The following PARD3B variants were observed in gnomAD, a reference collection of about 807,000 sequenced individuals.
PARD3B encodes the protein partitioning defective 3 homolog B.
Under a neutral mutation model 130.2 loss-of-function variants are expected in PARD3B, and 103 were observed. That is an observed-to-expected ratio of 0.79 (90% CI 0.67 to 0.93). The LOEUF (loss-of-function observed/expected upper bound fraction) is 0.93, where lower values mean the gene tolerates loss of function less well. PARD3B is among the 40% of genes least tolerant of loss of function. PARD3B has a pLI of 0.00. For synonymous variants in PARD3B, 583 were observed against 553.2 expected (o/e 1.05, Z -0.76); for missense variants, 1,609 against 1,499.2 (o/e 1.07, Z -1.21).
chr2:204,597,466 A>C (rs571736961), intron 1 of PARD3B, among the ~76,000 whole-genome samples: 17 of 152,214 alleles, frequency 1.1e-4, no homozygotes, highest in African/African-American at 3.9e-4. Flanking sequence ...TTAAGTGTCA[A>C]TGTAGCCTAG....
intron 4 of PARD3B, 82 bp from the exon 5 acceptor site, chr2:205,104,344 C>G: frequency 2.0e-6 from 2 of 1,012,660 alleles, no homozygotes; most frequent in East Asian, 4.8e-5. Flanking sequence ...AAGCGGTTTA[C>G]TCTCCCATAT....
At chr2:205,392,884 C>T (rs2045905462) in intron 18 of PARD3B, among the ~76,000 whole-genome samples, 1 of 152,112 alleles carries the variant, frequency 6.6e-6, no homozygotes, top group South Asian at 2.1e-4. Flanking sequence ...GATTGATGTG[C>T]AACAAACACA....
At position 205,054,427 on chromosome 2, in the gene PARD3B, TATATA is replaced by T. The variant is rs1285071657; in HGVS notation, c.504+6738_504+6742del. ...TTTTATATATATATATATATATATA[TATATA>T]TATATTTTTTTTTTTTTTTTTTTTT... On this transcript the variant is annotated intron_variant, in intron 4 of 22. Coordinates refer to ENST00000406610, the MANE Select transcript of PARD3B (RefSeq NM_001302769.2). Among the ~76,000 whole-genome samples the T allele has an allele frequency of 6.7e-3, 166 of 24,726 alleles. 1 individual carries two copies. The highest frequency in any genetic ancestry group is 0.011 in the Non-Finnish European group (127 of 11,800). 16.2% of individuals were successfully genotyped at this position (24,726 alleles called of 152,430 possible). A position where few individuals can be genotyped will look rare whatever the true frequency, so the allele number is the denominator to read the frequency against.
rs1169412361 is a variant in PARD3B at position 205,421,695 on chromosome 2, T to C, written c.2742-18675T>C. 1.3e-5 allele frequency among the ~76,000 whole-genome samples: 2 copies of C among 152,170 alleles called. No homozygotes were observed. Among genetic ancestry groups the C allele is most frequent in the Non-Finnish European group, 2.9e-5 (2 of 68,016 alleles). On this transcript the variant is annotated intron_variant, in intron 19 of 22. Transcript: ENST00000406610. The surrounding 1 kb of genome is among the most constrained non-coding windows in gnomAD (Gnocchi z 5.1). The stretch of plus-strand genomic sequence containing the variant: ...ACATACTTGGTATCATAAAACAACA[T>C]AAATTTATTCTCTTAACGTTTTGGA...
intron 3 of PARD3B, among the ~76,000 whole-genome samples, chr2:204,990,391 T>C (rs1221175687): frequency 6.6e-6 from 1 of 152,172 alleles, no homozygotes; most frequent in African/African-American, 2.4e-5. Flanking sequence ...TGTTTCTTTG[T>C]GTTGGGAACA....
chr2:205,489,442 C>T (rs547530619), intron 20 of PARD3B, among the ~76,000 whole-genome samples: 1 of 150,742 alleles, frequency 6.6e-6, no homozygotes, highest in South Asian at 2.1e-4. Flanking sequence ...ACACCATGTA[C>T]TCCAGCCTGG....
intron 2 of PARD3B, among the ~76,000 whole-genome samples, chr2:204,856,292 A>G (rs957807748): frequency 1.3e-5 from 2 of 152,092 alleles, no homozygotes; most frequent in East Asian, 1.9e-4. Context: ...TTCTTTGATG[A>G]TTAGAGATGT....
intron 20 of PARD3B, among the ~76,000 whole-genome samples, chr2:205,484,658 A>T (rs1447075316): frequency 6.6e-6 from 1 of 152,204 alleles, no homozygotes; most frequent in African/African-American, 2.4e-5. Context: ...GAAGCAAGGA[A>T]TCAGAAAGCA....
intron 2 of PARD3B, among the ~76,000 whole-genome samples, chr2:204,741,013 T>A (rs1201370056): frequency 2.6e-5 from 4 of 152,266 alleles, no homozygotes; most frequent in South Asian, 4.1e-4. Context: ...ATATTACCTA[T>A]ATATTATTCA....
At chr2:205,056,915 AT>A (rs1644779863) in intron 4 of PARD3B, among the ~76,000 whole-genome samples, 1 of 130,392 alleles carries the variant, frequency 7.7e-6, no homozygotes, top group Non-Finnish European at 1.6e-5. Flanking sequence ...ACACACACAC[AT>A]ATATATATAT....
At position 204,751,503 on chromosome 2, in the gene PARD3B, G is replaced by A. The variant is rs115091676; in HGVS notation, c.222+65221G>A. Reference sequence around the variant, plus strand: ...ATATTAGTTCTGCCTATGGGCATGAGGTGGTCTCCAAACTTCCCTCCAGAT... The same window carrying A: ...ATATTAGTTCTGCCTATGGGCATGAAGTGGTCTCCAAACTTCCCTCCAGAT... On this transcript the variant is annotated intron_variant, in intron 2 of 22. Transcript: ENST00000406610. Among the ~76,000 whole-genome samples the A allele has an allele frequency of 8.5e-3, 1,287 of 152,250 alleles. 19 individuals are homozygous for A. Among genetic ancestry groups the A allele is most frequent in the African/African-American group, 0.029 (1,224 of 41,524 alleles).
chr2:205,505,983 A>C (rs961668601), intron 21 of PARD3B, among the ~76,000 whole-genome samples: 2 of 152,202 alleles, frequency 1.3e-5, no homozygotes, highest in Non-Finnish European at 2.9e-5. Context: ...TATGGAAAAA[A>C]AAGTGGGAGT....
At chr2:205,255,837 C>T (rs2040059139) in intron 16 of PARD3B, among the ~76,000 whole-genome samples, 1 of 152,048 alleles carries the variant, frequency 6.6e-6, no homozygotes, top group African/African-American at 2.4e-5. Context: ...CTTTCCAAAC[C>T]CTGTGCTCTT....
In PARD3B at chr2:205,211,975, T is replaced by C. The variant is rs1279953147; in HGVS notation, c.2140+18655T>C. Among the ~76,000 whole-genome samples, 3 of 152,124 alleles carry C rather than the reference T, an allele frequency of 2.0e-5. No homozygotes were observed. In the East Asian group the frequency reaches 5.8e-4, roughly 29 times the overall value. On this transcript the variant is annotated intron_variant, in intron 15 of 22. Transcript: ENST00000406610. ...TTTCAAAATTTGGAATAAATTATCA[T>C]AGCACCCAAATTGAAGGAAAAATGA...
chr2:205,172,128 A>T, intron 11 of PARD3B, 83 bp from the exon 12 acceptor site: 1 of 1,375,962 alleles, frequency 7.3e-7, no homozygotes, highest in Non-Finnish European at 9.9e-7. Context: ...TTTCATTTTT[A>T]AACTTGAACT....
At chr2:205,083,980 C>G (rs1321375684) in intron 4 of PARD3B, among the ~76,000 whole-genome samples, 1 of 152,054 alleles carries the variant, frequency 6.6e-6, no homozygotes, top group Non-Finnish European at 1.5e-5. Flanking sequence ...GTGTACATCC[C>G]TAACAGAAAC....
chr2:205,169,513 CGTT>C (rs1239480115), intron 11 of PARD3B, among the ~76,000 whole-genome samples: 2 of 152,214 alleles, frequency 1.3e-5, no homozygotes, highest in East Asian at 1.9e-4. Context: ...TTCACTCTGA[CGTT>C]GTCTCATACT....
In PARD3B at chr2:205,397,121, T is replaced by C. The variant is rs2046060642; in HGVS notation, c.2631-3892T>C. 6.6e-6 allele frequency among the ~76,000 whole-genome samples: 1 copy of C among 152,252 alleles called. No homozygotes were observed. Among genetic ancestry groups the C allele is most frequent in the Non-Finnish European group, 1.5e-5 (1 of 68,048 alleles). ...ATAAATAAAATGCAATTAACTTCTCTGGGTCTCAATTTCCTCATCTTAACA... is the reference window on the plus strand; with the variant it reads ...ATAAATAAAATGCAATTAACTTCTCCGGGTCTCAATTTCCTCATCTTAACA... On this transcript the variant is annotated intron_variant, in intron 18 of 22. Transcript: ENST00000406610. This position sits in a 1 kb window ranked among gnomAD's most constrained non-coding sequence, Gnocchi z 4.8.
At chr2:205,545,851 C>T (rs1285030575) in intron 21 of PARD3B, among the ~76,000 whole-genome samples, 1 of 152,116 alleles carries the variant, frequency 6.6e-6, no homozygotes, top group Non-Finnish European at 1.5e-5. Context: ...TATATCTTCT[C>T]CTCTGCCATT....
Sources: gnomAD v4.1 joint callset for allele counts (sites outside exome capture counted in the v4.1 genomes callset) on GRCh38, gnomAD v4.1.1 for gene constraint, Gnocchi (gnomAD v3.1) non-coding constraint, MANE v1.5 for transcripts, NCBI Gene and HGNC (gene_info 2026-07-23, HGNC 2026-07-21) for gene names.